The following SIRT5 variants were observed in gnomAD, a reference collection of about 807,000 sequenced individuals.
The protein encoded by SIRT5 is NAD-dependent protein deacylase sirtuin-5, mitochondrial.
In SIRT5, 26 loss-of-function variants were observed where a neutral mutation model predicts 40.0. The ratio of observed to expected loss-of-function variants is 0.65; its 90% CI spans 0.48 to 0.90. The LOEUF is 0.90. Ranked by LOEUF, SIRT5 falls within the 40% of genes least tolerant of loss-of-function variation. SIRT5 has a pLI of 0.00. For synonymous variants in SIRT5, 146 were observed against 149.1 expected (o/e 0.98, Z 0.15); for missense variants, 401 against 402.4 (o/e 1.00, Z 0.03).
intron 6 of SIRT5, 118 bp downstream of exon 6, chr6:13,595,682 T>A: frequency 1.2e-6 from 1 of 855,372 alleles, no homozygotes; most frequent in Non-Finnish European, 1.9e-6. Context: ...GAAATAAGAC[T>A]AAATACAAGG....
In SIRT5 at chr6:13,600,874, C is replaced by T. The variant is rs373453442; in HGVS notation, c.782C>T (p.Ala261Val). ...SSVVYPAAMFAPQVAARGVPV... is the reference protein window; with the variant it reads ...SSVVYPAAMFVPQVAARGVPV... ...GTGGTGTACCCAGCAGCCATGTTTG[C>T]CCCCCAGGTGGCTGCCAGGGGCGTG... Residue 261 changes from alanine to valine, a missense_variant, in exon 9 of 10, where the codon GCC (alanine) becomes GTC (valine). Coordinates refer to ENST00000606117, the MANE Select transcript of SIRT5 (RefSeq NM_012241.5). 2.5e-6 allele frequency: 4 copies of T among 1,613,800 alleles called. No homozygotes were observed. The highest frequency in any genetic ancestry group is 2.2e-5 in the South Asian group (2 of 91,042).
Position 13,588,300 on chromosome 6 carries a change from A to G in SIRT5, c.116-31A>G, listed in dbSNP as rs200331576. On this transcript the variant is annotated intron_variant, in intron 3 of 9. Coordinates refer to ENST00000606117, the MANE Select transcript of SIRT5 (RefSeq NM_012241.5). ...TGGGATACAAATGTCCAAACTGTAC[A>G]CTGGATTGATAAAGATTTCACTCTG... is the stretch of plus-strand genomic sequence containing the variant. 2.2e-5 allele frequency: 35 copies of G among 1,608,212 alleles called. No individual in the cohort carries two copies. The Middle Eastern group carries it at 1.0e-3, about 47-fold the overall frequency.
intron 4 of SIRT5, among the ~76,000 whole-genome samples, chr6:13,588,686 T>G (rs954426586): frequency 6.6e-6 from 1 of 152,218 alleles, no homozygotes; most frequent in African/African-American, 2.4e-5. Flanking sequence ...GTGGATTGCA[T>G]TTATTCAGGT....
Position 13,613,294 on chromosome 6 carries a change from A to G in SIRT5, c.*1429A>G, listed in dbSNP as rs1374685120. On this transcript the variant is annotated 3_prime_UTR_variant, in exon 10 of 10. Transcript: ENST00000606117. ...TTTCTGTCAGGTACATCTTCCATACACTTTACTACCTTGGAGTAAAGTAGT... is the reference window on the plus strand; with the variant it reads ...TTTCTGTCAGGTACATCTTCCATACGCTTTACTACCTTGGAGTAAAGTAGT... 2.6e-5 allele frequency: 4 copies of G among 152,146 alleles called. No individual in the cohort carries two copies. The highest frequency in any genetic ancestry group is 9.7e-5 in the African/African-American group (4 of 41,424). 9.4% of individuals were successfully genotyped at this position (152,146 alleles called of 1,614,324 possible). A position where few individuals can be genotyped will look rare whatever the true frequency, so the allele number is the denominator to read the frequency against.
At chr6:13,584,009 A>G (rs528262167) in intron 2 of SIRT5, 67 bp from the exon 3 acceptor site, 4 of 654,078 alleles carry the variant, frequency 6.1e-6, no homozygotes, top group South Asian at 2.3e-5. Context: ...ATATTTATAC[A>G]TATTTCCATA....
In SIRT5 at chr6:13,613,309, A is replaced by G. The variant is rs1381929401; in HGVS notation, c.*1444A>G. The G allele has an allele frequency of 6.6e-6, 1 of 152,164 alleles. No individual in the cohort carries two copies. The highest frequency in any genetic ancestry group is 2.4e-5 in the African/African-American group (1 of 41,418). 9.4% of individuals were successfully genotyped at this position (152,164 alleles called of 1,614,324 possible). On this transcript the variant is annotated 3_prime_UTR_variant, in exon 10 of 10. Coordinates refer to ENST00000606117, the MANE Select transcript of SIRT5 (RefSeq NM_012241.5). The stretch of plus-strand genomic sequence containing the variant: ...TCTTCCATACACTTTACTACCTTGG[A>G]GTAAAGTAGTAAGAATACAGCTTTT...
intron 3 of SIRT5, among the ~76,000 whole-genome samples, chr6:13,585,381 A>G (rs924739327): frequency 6.6e-6 from 1 of 151,854 alleles, no homozygotes; most frequent in Non-Finnish European, 1.5e-5. Context: ...TCCTGATGCT[A>G]TCCCTCCCCA....
chr6:13,598,791 A>C (rs1761956986), intron 7 of SIRT5, among the ~76,000 whole-genome samples: 1 of 146,632 alleles, frequency 6.8e-6, no homozygotes, highest in African/African-American at 2.5e-5. Flanking sequence ...ATGGCATTGC[A>C]CTTCCGCCTG....
At chr6:13,601,844 A>G (rs1051585938) in intron 9 of SIRT5, among the ~76,000 whole-genome samples, 4 of 151,790 alleles carry the variant, frequency 2.6e-5, no homozygotes, top group African/African-American at 7.3e-5. Context: ...GATTTAAAAA[A>G]AAAAAAGAAA....
chr6:13,584,429 C>T (rs1584758347), intron 3 of SIRT5, among the ~76,000 whole-genome samples: 2 of 152,192 alleles, frequency 1.3e-5, no homozygotes, highest in East Asian at 3.8e-4. Context: ...CGGCTCACCG[C>T]AACCTCCGCC....
upstream of SIRT5, among the ~76,000 whole-genome samples, chr6:13,574,351 C>G (rs1758282980): frequency 6.6e-6 from 1 of 152,068 alleles, no homozygotes; most frequent in Non-Finnish European, 1.5e-5. Context: ...CGGCCTCTCC[C>G]GCTCGGGCTC....
intron 5 of SIRT5, among the ~76,000 whole-genome samples, chr6:13,593,982 T>G (rs1205492551): frequency 6.6e-6 from 1 of 152,164 alleles, no homozygotes; most frequent in Non-Finnish European, 1.5e-5. Flanking sequence ...GCCCCTCTGT[T>G]ATAGCTGGGA....
intron 9 of SIRT5, among the ~76,000 whole-genome samples, chr6:13,610,419 A>C (rs1763677904): frequency 6.6e-6 from 1 of 152,212 alleles, no homozygotes; most frequent in Non-Finnish European, 1.5e-5. Context: ...TATTGAAAGC[A>C]AGAATGAAAC....
At chr6:13,588,154 T>C (rs1486200075) in intron 3 of SIRT5, among the ~76,000 whole-genome samples, 177 bp from the exon 4 acceptor site, 1 of 152,168 alleles carries the variant, frequency 6.6e-6, no homozygotes, top group Non-Finnish European at 1.5e-5. Context: ...TGCTTTAAAA[T>C]ATTGTACACT....
At chr6:13,583,800 G>A (rs1759689443) in intron 2 of SIRT5, among the ~76,000 whole-genome samples, 1 of 152,136 alleles carries the variant, frequency 6.6e-6, no homozygotes, top group African/African-American at 2.4e-5. Flanking sequence ...TGGCGACGCT[G>A]CTGGTCTAGG....
rs184254568 is a variant in SIRT5, at chr6:13,586,262, T to C, written c.115+2037T>C. 1.0e-3 allele frequency among the ~76,000 whole-genome samples: 152 copies of C among 152,360 alleles called. 3 individuals carry two copies. The East Asian group carries it at 0.022, about 22-fold the overall frequency. The stretch of plus-strand genomic sequence containing the variant: ...CTTTAATTTAATTAGATCCCATTTG[T>C]CTATTTTGGCTTTTGTTGCCATTGC... On this transcript the variant is annotated intron_variant, in intron 3 of 9. Transcript: ENST00000606117.
At chr6:13,577,083 G>T (rs890053004) in intron 1 of SIRT5, among the ~76,000 whole-genome samples, 1 of 152,194 alleles carries the variant, frequency 6.6e-6, no homozygotes, top group African/African-American at 2.4e-5. Flanking sequence ...ATTAGGGAGT[G>T]TGATGCCTTT....
rs1270044945 is a variant in SIRT5 at position 13,612,928 on chromosome 6, T to A, written c.*1063T>A. The A allele has an allele frequency of 6.6e-6, 1 of 152,200 alleles. No homozygotes were observed. The highest frequency in any genetic ancestry group is 1.9e-4 in the East Asian group (1 of 5,190). 9.4% of individuals were successfully genotyped at this position (152,200 alleles called of 1,614,324 possible). A position where few individuals can be genotyped will look rare whatever the true frequency, so the allele number is the denominator to read the frequency against. ...TGCCAACCGTTCCCAGATGCTGAAC[T>A]CTGCTGGGAGTTTTTTCCATGGGAC... is the stretch of plus-strand genomic sequence containing the variant. On this transcript the variant is annotated 3_prime_UTR_variant, in exon 10 of 10. Coordinates refer to ENST00000606117, the MANE Select transcript of SIRT5 (RefSeq NM_012241.5).
chr6:13,582,375 T>C (rs1390558621), intron 2 of SIRT5, among the ~76,000 whole-genome samples: 2 of 152,182 alleles, frequency 1.3e-5, no homozygotes, highest in Non-Finnish European at 2.9e-5. Context: ...TGTAACAAAA[T>C]TTAGCATTCT....
Sources: allele counts gnomAD v4.1 joint callset (sites outside exome capture counted in the v4.1 genomes callset), GRCh38; gene constraint gnomAD v4.1.1; transcripts MANE v1.5; gene names NCBI Gene and HGNC (gene_info 2026-07-23, HGNC 2026-07-21).